Variants in DLC1 observed in about 807,000 individuals in gnomAD.
DLC1 encodes rho GTPase-activating protein 7.
DLC1 carries 54 observed loss-of-function variants against 140.3 expected under a neutral mutation model. The observed-to-expected ratio is 0.38, with a 90% CI of 0.31 to 0.48. The LOEUF (loss-of-function observed/expected upper bound fraction) is 0.48, where lower values mean the gene tolerates loss of function less well. Among genes scored for constraint, DLC1 ranks in the 20% least tolerant of loss-of-function variants. The pLI, the probability that DLC1 is intolerant of heterozygous loss-of-function variation, is 0.96. For synonymous variants in DLC1, 986 were observed against 728.1 expected (o/e 1.35, Z -5.70); for missense variants, 2,536 against 1,907.0 (o/e 1.33, Z -6.14).
chr8:13,466,911 T>A (rs1031037516), intron 2 of DLC1, among the ~76,000 whole-genome samples: 5 of 150,996 alleles, frequency 3.3e-5, no homozygotes, highest in African/African-American at 7.3e-5. Flanking sequence ...ATACATCAAA[T>A]GTCAGAGTCA....
At chr8:13,339,051 C>T (rs930732972) in intron 4 of DLC1, among the ~76,000 whole-genome samples, 3 of 152,164 alleles carry the variant, frequency 2.0e-5, no homozygotes, top group Non-Finnish European at 4.4e-5. Context: ...AAGGTAATTT[C>T]TATGAATACG....
chr8:13,563,509 C>A (rs572815308), intron 1 of DLC1, among the ~76,000 whole-genome samples: 2 of 152,098 alleles, frequency 1.3e-5, no homozygotes, highest in African/African-American at 4.8e-5. Context: ...CTCCTCACAG[C>A]GAGATTCCTG....
chr8:13,197,371 G>A (rs926113773), intron 5 of DLC1, among the ~76,000 whole-genome samples: 1 of 151,172 alleles, frequency 6.6e-6, no homozygotes, highest in African/African-American at 2.4e-5. Context: ...TTTTTGAGAT[G>A]GGAGTCTTGC....
Position 13,086,402 on chromosome 8 carries a change from C to A in DLC1, c.4354G>T (p.Asp1452Tyr), listed in dbSNP as rs748221571. The change falls in exon 17 of 18, where the codon GAT becomes TAT. Residue 1452 changes from aspartate to tyrosine, a missense_variant. Transcript: ENST00000276297. The stretch of plus-strand genomic sequence containing the variant: ...CTCACACCCACCACAGGTGCGCGAT[C>A]GTGATCCACAGAGGTTAGTAAAAGG... ...CALLLTSVDH[D>Y]RAPVVGVRVN... 1.9e-6 allele frequency: 3 copies of A among 1,614,218 alleles called. No individual in the cohort carries two copies. Among genetic ancestry groups the A allele is most frequent in the Non-Finnish European group, 1.7e-6 (2 of 1,180,050 alleles).
intron 1 of DLC1, among the ~76,000 whole-genome samples, chr8:13,541,687 C>G (rs1803489224): frequency 6.6e-6 from 1 of 152,072 alleles, no homozygotes; most frequent in African/African-American, 2.4e-5. Flanking sequence ...GTAGCTGGGA[C>G]TACAGGCGCC....
rs532754639 is a variant in DLC1 at position 13,533,143 on chromosome 8, TA to T, written c.-125-32948del. Among the ~76,000 whole-genome samples the T allele has an allele frequency of 4.4e-3, 672 of 152,180 alleles. 5 individuals carry two copies. The highest frequency in any genetic ancestry group is 0.016 in the African/African-American group (645 of 41,536). ...TGGAGGCCATAAAACCACCATGAAG[TA>T]AAACAAACAGTCAAAAAAATTAATC... On this transcript the variant is annotated intron_variant, in intron 1 of 1. Transcript: ENST00000631382.
intron 5 of DLC1, among the ~76,000 whole-genome samples, chr8:13,120,642 A>G (rs1264376739): frequency 6.6e-6 from 1 of 152,048 alleles, no homozygotes; most frequent in Non-Finnish European, 1.5e-5. Context: ...CAATGGAAAT[A>G]CAATGAAACT....
At chr8:13,572,946 G>A (rs1804713939) in intron 1 of DLC1, among the ~76,000 whole-genome samples, 1 of 152,114 alleles carries the variant, frequency 6.6e-6, no homozygotes, top group Non-Finnish European at 1.5e-5. Flanking sequence ...GATTGTTTTG[G>A]CTATTCATGG....
In DLC1 at chr8:13,353,324, G is replaced by A. The variant is rs1372510161; in HGVS notation, c.1314+40229C>T. 2.0e-5 allele frequency: 3 copies of A among 152,158 alleles called. No homozygotes were observed. In the South Asian group the frequency reaches 6.2e-4, roughly 32 times the overall value. 9.4% of individuals were successfully genotyped at this position (152,158 alleles called of 1,614,324 possible). On this transcript the variant is annotated intron_variant, in intron 4 of 17. Transcript: ENST00000276297. ...TGTGGCATTTCCTCTGAGTCAGAAG[G>A]AGAAAATGTGTTTGAATTCCTATAA...
At chr8:13,510,547 C>T (rs561482853) in intron 1 of DLC1, among the ~76,000 whole-genome samples, 1 of 152,242 alleles carries the variant, frequency 6.6e-6, no homozygotes, top group Admixed American at 6.5e-5. Flanking sequence ...CTAACATGAC[C>T]TGGAAATCCC....
intron 1 of DLC1, among the ~76,000 whole-genome samples, chr8:13,582,636 G>A (rs1805147275): frequency 6.6e-6 from 1 of 151,624 alleles, no homozygotes; most frequent in Non-Finnish European, 1.5e-5. Flanking sequence ...CCTGCAAACG[G>A]CCTATTGCGG....
chr8:13,521,082 C>T lies in DLC1; in HGVS notation c.-125-20886G>A, dbSNP rs571096240. On this transcript the variant is annotated intron_variant, in intron 1 of 1. Transcript: ENST00000631382. Reference sequence around the variant, plus strand: ...AATACTTTGCAGCCATAAAAAGGAACAAGATCATGTCCATTGCAGGGACAT... The same window carrying T: ...AATACTTTGCAGCCATAAAAAGGAATAAGATCATGTCCATTGCAGGGACAT... 2.6e-5 allele frequency among the ~76,000 whole-genome samples: 4 copies of T among 152,150 alleles called. No individual in the cohort carries two copies. In the South Asian group the frequency reaches 8.3e-4, roughly 32 times the overall value.
chr8:13,517,984 G>C (rs983355963), upstream of DLC1, among the ~76,000 whole-genome samples: 2 of 151,832 alleles, frequency 1.3e-5, no homozygotes, highest in African/African-American at 2.4e-5. Flanking sequence ...CTCTTCTATT[G>C]AACTCCAAGT....
intron 4 of DLC1, among the ~76,000 whole-genome samples, chr8:13,331,121 C>T (rs1363748625): frequency 2.0e-5 from 3 of 152,190 alleles, no homozygotes; most frequent in African/African-American, 7.2e-5. Flanking sequence ...TCTCTTATTG[C>T]AGCCTTCTAG....
At chr8:13,178,691 T>A (rs540365869) in intron 5 of DLC1, among the ~76,000 whole-genome samples, 14 of 151,412 alleles carry the variant, frequency 9.2e-5, no homozygotes, top group Non-Finnish European at 1.8e-4. Flanking sequence ...AATGGTTTCG[T>A]ATCCCCAATT....
At chr8:13,362,445 A>G (rs1209762494) in intron 4 of DLC1, among the ~76,000 whole-genome samples, 1 of 152,194 alleles carries the variant, frequency 6.6e-6, no homozygotes, top group Admixed American at 6.5e-5. Flanking sequence ...CAAGTGCCCA[A>G]TAGTGGAATG....
chr8:13,324,104 T>C (rs150008649), intron 4 of DLC1, among the ~76,000 whole-genome samples: 1 of 152,190 alleles, frequency 6.6e-6, no homozygotes, highest in African/African-American at 2.4e-5. Flanking sequence ...TTTTGAGTCT[T>C]GCATCAGAAA....
At chr8:13,554,586 C>G (rs1197311822) in intron 1 of DLC1, among the ~76,000 whole-genome samples, 1 of 152,128 alleles carries the variant, frequency 6.6e-6, no homozygotes, top group African/African-American at 2.4e-5. Context: ...TTCAGTTTCT[C>G]ATCCTTAACT....
chr8:13,335,597 C>G (rs715842), intron 4 of DLC1, among the ~76,000 whole-genome samples: 39,981 of 151,964 alleles, frequency 0.26, 5,536 homozygotes, highest in Middle Eastern at 0.32. Flanking sequence ...TCATTTTCCT[C>G]ATGGTAAAGT....
Sources: gnomAD v4.1 joint callset for allele counts (sites outside exome capture counted in the v4.1 genomes callset) on GRCh38, gnomAD v4.1.1 for gene constraint, MANE v1.5 for transcripts, NCBI Gene and HGNC (gene_info 2026-07-23, HGNC 2026-07-21) for gene names.